Variants in CHRNA5 observed in about 807,000 individuals in gnomAD.
CHRNA5 encodes the protein cholinergic receptor nicotinic alpha 5 subunit, also known as neuronal acetylcholine receptor subunit alpha-5.
In CHRNA5, 28 loss-of-function variants were observed where a neutral mutation model predicts 41.2. The observed-to-expected ratio is 0.68, with a 90% CI of 0.50 to 0.93. The LOEUF (loss-of-function observed/expected upper bound fraction) is 0.93, where lower values mean the gene tolerates loss of function less well. Among genes scored for constraint, CHRNA5 ranks in the 40% least tolerant of loss-of-function variants. The probability of loss-of-function intolerance (pLI) is 0.00; values close to 1 mark genes in which losing one functional copy is unlikely to be tolerated. For synonymous variants in CHRNA5, 188 were observed against 205.8 expected (o/e 0.91, Z 0.74); for missense variants, 481 against 581.9 (o/e 0.83, Z 1.78).
intron 3 of CHRNA5, among the ~76,000 whole-genome samples, 160 bp downstream of exon 3, chr15:78,586,849 G>C (rs969344649): frequency 1.3e-5 from 2 of 152,128 alleles, no homozygotes; most frequent in African/African-American, 4.8e-5. Context: ...GAAAGATGAG[G>C]GTAGATGGAG....
intron 5 of CHRNA5, among the ~76,000 whole-genome samples, chr15:78,592,781 TAAG>T (rs1475101430): frequency 2.0e-5 from 3 of 151,186 alleles, no homozygotes; most frequent in African/African-American, 7.4e-5. Flanking sequence ...GTATATATAG[TAAG>T]AATAATTTTT....
exon 5 of CHRNA5, chr15:78,589,847 C>T (rs201805555): frequency 1.1e-5 from 17 of 1,609,792 alleles, no homozygotes; most frequent in Non-Finnish European, 1.4e-5. Context: ...AAACAGTCAT[C>T]AGGTACAATG....
At chr15:78,582,142 C>T (rs920678676) in intron 2 of CHRNA5, among the ~76,000 whole-genome samples, 2 of 151,976 alleles carry the variant, frequency 1.3e-5, no homozygotes, top group African/African-American at 4.8e-5. Flanking sequence ...TGTGCTCAGC[C>T]CTTAGCTAGT....
exon 1 of CHRNA5, chr15:78,565,617 T>G (rs1191843800): frequency 3.6e-6 from 1 of 274,626 alleles, no homozygotes; most frequent in Non-Finnish European, 6.2e-6. Context: ...CTGCCCTCGT[T>G]TTGTCTCACG....
exon 5 of CHRNA5, chr15:78,590,085 G>A (rs753668181): frequency 2.6e-5 from 42 of 1,614,092 alleles, no homozygotes; most frequent in African/African-American, 8.0e-5. Context: ...AAACAGAACC[G>A]ACAGCTGTTG....
chr15:78,586,332 A>G lies in CHRNA5; in HGVS notation c.259-313A>G, dbSNP rs1445270377. Among the ~76,000 whole-genome samples, 4 of 152,252 alleles carry G rather than the reference A, an allele frequency of 2.6e-5. No homozygotes were observed. In the South Asian group the frequency reaches 6.2e-4, roughly 24 times the overall value. ...CTCCTCTTAGTGCTAAGCACATAAA[A>G]TAACACTATGCTTATATCTTAGACT... On this transcript the variant is annotated intron_variant, in intron 2 of 5. Coordinates refer to ENST00000299565, the Ensembl canonical transcript of CHRNA5.
At chr15:78,579,261 GT>G (rs2052887708) in intron 1 of CHRNA5, among the ~76,000 whole-genome samples, 1 of 151,452 alleles carries the variant, frequency 6.6e-6, no homozygotes, top group African/African-American at 2.4e-5. Context: ...TTGTTTGTTT[GT>G]TTGTTTTTTG....
intron 1 of CHRNA5, among the ~76,000 whole-genome samples, chr15:78,579,643 G>C (rs1301285529): frequency 6.6e-6 from 1 of 152,102 alleles, no homozygotes; most frequent in African/African-American, 2.4e-5. Flanking sequence ...GATCATTCCT[G>C]TCTTTGCACT....
chr15:78,565,537 G>A lies in CHRNA5; in HGVS notation c.-183G>A, dbSNP rs56182392. 1,253 of 209,450 alleles carry A rather than the reference G, an allele frequency of 6.0e-3. 6 individuals carry two copies. Among genetic ancestry groups the A allele is most frequent in the Non-Finnish European group, 8.0e-3 (855 of 106,930 alleles). The allele number at this position is 209,450 out of a possible 1,614,324, so 13.0% of individuals were successfully genotyped here. A position where few individuals can be genotyped will look rare whatever the true frequency, so the allele number is the denominator to read the frequency against. ...GAGCTTCCACATGCGTCCCGAGCCC[G>A]CCAGAAGCTGCTAGGCTGAGGCTGC... is the stretch of plus-strand genomic sequence containing the variant. On this transcript the variant is annotated 5_prime_UTR_variant, in exon 1 of 6. Coordinates refer to ENST00000299565, the Ensembl canonical transcript of CHRNA5.
At chr15:78,586,299 C>T (rs2052960830) in intron 2 of CHRNA5, among the ~76,000 whole-genome samples, 1 of 152,150 alleles carries the variant, frequency 6.6e-6, no homozygotes, top group Admixed American at 6.5e-5. Flanking sequence ...CATTGACAGC[C>T]CTTTTTTCTC....
exon 6 of CHRNA5, chr15:78,595,247 TTATA>T (rs1197782739): frequency 1.0e-6 from 1 of 974,608 alleles, no homozygotes; most frequent in African/African-American, 1.8e-5. Context: ...CTTATGATTT[TTATA>T]TATAAATTTT....
At chr15:78,589,422 G>A (rs1415600121) in intron 4 of CHRNA5, 1 of 163,566 alleles carries the variant, frequency 6.1e-6, no homozygotes, top group Admixed American at 6.4e-5. Flanking sequence ...TTGCGATGAA[G>A]GAAGAAGAGC....
At chr15:78,589,064 T>C (rs1379245389) in intron 4 of CHRNA5, 1 of 152,248 alleles carries the variant, frequency 6.6e-6, no homozygotes, top group Non-Finnish European at 1.5e-5. Context: ...CTTTAATCTT[T>C]TGACACTTTT....
chr15:78,576,852 C>T (rs181700128), intron 1 of CHRNA5, among the ~76,000 whole-genome samples: 1 of 151,350 alleles, frequency 6.6e-6, no homozygotes, highest in African/African-American at 2.4e-5. Context: ...ATATGTAGTG[C>T]TATAGAGATG....
rs1596056665 is a variant in CHRNA5, at chr15:78,572,990, C to T, written c.106+7165C>T. Among the ~76,000 whole-genome samples the T allele has an allele frequency of 2.0e-5, 3 of 152,158 alleles. No individual in the cohort carries two copies. In the South Asian group the frequency reaches 6.2e-4, roughly 31 times the overall value. ...TGACAGTGACCACACATTCCTTTTGCAATTATAGCATCATTTTGAGAAAAA... is the reference window on the plus strand; with the variant it reads ...TGACAGTGACCACACATTCCTTTTGTAATTATAGCATCATTTTGAGAAAAA... On this transcript the variant is annotated intron_variant, in intron 1 of 5. Coordinates refer to ENST00000299565, the Ensembl canonical transcript of CHRNA5.
intron 1 of CHRNA5, among the ~76,000 whole-genome samples, chr15:78,569,246 A>G (rs2052777172): frequency 6.6e-6 from 1 of 152,150 alleles, no homozygotes; most frequent in African/African-American, 2.4e-5. Context: ...CCTATAATCT[A>G]CAAATGAGAT....
chr15:78,589,714 G>A, intron 4 of CHRNA5, 91 bp from the exon 5 acceptor site: 2 of 1,017,252 alleles, frequency 2.0e-6, no homozygotes, highest in Non-Finnish European at 2.9e-6. Flanking sequence ...TGCAATCAAT[G>A]ATAGGCCTGC....
At chr15:78,568,822 T>C (rs1370135929) in intron 1 of CHRNA5, among the ~76,000 whole-genome samples, 2 of 152,208 alleles carry the variant, frequency 1.3e-5, no homozygotes, top group African/African-American at 4.8e-5. Context: ...TCATTCTTTT[T>C]TATGGCTGCA....
chr15:78,594,815 A>G (rs1033619194), exon 6 of CHRNA5: 2 of 152,242 alleles, frequency 1.3e-5, no homozygotes, highest in African/African-American at 4.8e-5. Context: ...AATTACAATA[A>G]TAGAATCTTA....
Sources: gnomAD v4.1 joint callset for allele counts (sites outside exome capture counted in the v4.1 genomes callset) on GRCh38, gnomAD v4.1.1 for gene constraint, MANE v1.5 for transcripts, NCBI Gene and HGNC (gene_info 2026-07-23, HGNC 2026-07-21) for gene names.